Variants in GBF1 observed in about 807,000 individuals in gnomAD.
The protein encoded by GBF1 is golgi brefeldin A resistant guanine nucleotide exchange factor 1.
A neutral mutation model predicts 210.5 loss-of-function variants in GBF1; 114 were observed. That is an observed-to-expected ratio of 0.54 (90% CI 0.47 to 0.63). GBF1 has a LOEUF of 0.63. Ranked by LOEUF, GBF1 falls within the 30% of genes least tolerant of loss-of-function variation. The pLI, the probability that GBF1 is intolerant of heterozygous loss-of-function variation, is 0.00. For missense variants in GBF1, 1,851 were observed against 2,357.7 expected (o/e 0.79, Z 4.45); for synonymous variants, 850 against 889.2 (o/e 0.96, Z 0.78).
chr10:102,357,486 C>T (rs970595008), intron 8 of GBF1, among the ~76,000 whole-genome samples: 13 of 101,170 alleles, frequency 1.3e-4, no homozygotes, highest in Non-Finnish European at 1.7e-4. Context: ...GACTCCATCT[C>T]AAAAAAAAAA....
Position 102,334,710 on chromosome 10 carries a change from G to A in GBF1, c.164-9341G>A, listed in dbSNP as rs368167790. Among the ~76,000 whole-genome samples the A allele has an allele frequency of 1.3e-4, 20 of 152,186 alleles. No individual in the cohort carries two copies. In the South Asian group the frequency reaches 3.1e-3, roughly 24 times the overall value. Reference sequence around the variant, plus strand: ...TGAAAATACAAAAAATTAGCCAGGCGTGGTGGCTTGCGCCTGTAGTCCCAG... The same window carrying A: ...TGAAAATACAAAAAATTAGCCAGGCATGGTGGCTTGCGCCTGTAGTCCCAG... On this transcript the variant is annotated intron_variant, in intron 3 of 39. Transcript: ENST00000369983.
intron 3 of GBF1, among the ~76,000 whole-genome samples, chr10:102,287,344 CTTTTTTTTTT>C (rs763880492): frequency 7.2e-5 from 5 of 69,516 alleles, no homozygotes; most frequent in Admixed American, 5.4e-4. Flanking sequence ...ATTTTATTTT[CTTTTTTTTTT>C]TTTTTTTTTT....
intron 3 of GBF1, among the ~76,000 whole-genome samples, chr10:102,321,180 T>A (rs1412984994): frequency 6.6e-6 from 1 of 152,216 alleles, no homozygotes; most frequent in Non-Finnish European, 1.5e-5. Context: ...TTATAATTAG[T>A]CACAATTATA....
chr10:102,250,935 C>A (rs1009832395), intron 1 of GBF1, among the ~76,000 whole-genome samples: 1 of 151,270 alleles, frequency 6.6e-6, no homozygotes, highest in Non-Finnish European at 1.5e-5. Flanking sequence ...CCAGCCTAGA[C>A]GACAAGAGCG....
chr10:102,288,720 A>AG (rs1261424489), intron 3 of GBF1, among the ~76,000 whole-genome samples: 6 of 123,776 alleles, frequency 4.8e-5, no homozygotes, highest in South Asian at 3.3e-4. Context: ...TCCGTCTCAA[A>AG]GGAAAAAAAA....
chr10:102,294,292 A>G (rs1420449513), intron 3 of GBF1, among the ~76,000 whole-genome samples: 1 of 151,552 alleles, frequency 6.6e-6, no homozygotes, highest in East Asian at 1.9e-4. Flanking sequence ...CTCACTATTC[A>G]CTCACTGACT....
chr10:102,344,229 C>A, intron 4 of GBF1, 47 bp downstream of exon 4: 2 of 1,601,302 alleles, frequency 1.2e-6, no homozygotes, highest in Non-Finnish European at 1.7e-6. Flanking sequence ...TCATTTCCCA[C>A]CTTTCCTGGG....
chr10:102,367,095 G>A lies in GBF1; in HGVS notation c.2444G>A (p.Gly815Asp). The change falls in exon 20 of 40, where the codon GGC becomes GAC. Residue 815 changes from glycine (G) to aspartate (D), a missense_variant. Transcript: ENST00000369983. ...TCTTTGCTTTTTCAGAATTGTAATG[G>A]CTCCCCATTTGCCAATAGCGATGCC... ...AFTERWMNCN[G>D]SPFANSDACF... 1 of 1,614,080 alleles carries A rather than the reference G, an allele frequency of 6.2e-7. No individual in the cohort carries two copies. The highest frequency in any genetic ancestry group is 8.5e-7 in the Non-Finnish European group (1 of 1,179,994).
chr10:102,380,833 C>T, intron 38 of GBF1, 147 bp downstream of exon 38: 1 of 750,164 alleles, frequency 1.3e-6, no homozygotes, highest in Non-Finnish European at 2.2e-6. Context: ...CATAGTGAAA[C>T]CCCATGTCTA....
intron 3 of GBF1, among the ~76,000 whole-genome samples, chr10:102,266,083 C>T (rs551074315): frequency 6.6e-6 from 1 of 151,930 alleles, no homozygotes; most frequent in Non-Finnish European, 1.5e-5. Context: ...TAAAAAAATA[C>T]AAAAAATTAG....
intron 36 of GBF1, 99 bp downstream of exon 36, chr10:102,380,053 G>T (rs1157303647): frequency 3.6e-6 from 3 of 836,810 alleles, no homozygotes; most frequent in Non-Finnish European, 6.0e-6. Context: ...TGCACTGTAG[G>T]TGCTCACAAC....
chr10:102,262,482 G>A (rs1249477868), intron 3 of GBF1, among the ~76,000 whole-genome samples: 1 of 152,174 alleles, frequency 6.6e-6, no homozygotes, highest in African/African-American at 2.4e-5. Context: ...GATCAAACAA[G>A]TTAATATAAT....
At chr10:102,343,946 C>T in intron 3 of GBF1, 105 bp from the exon 4 acceptor site, 1 of 797,176 alleles carries the variant, frequency 1.3e-6, no homozygotes, top group Non-Finnish European at 2.1e-6. Context: ...AGAAGATTGA[C>T]CCAACAACAA....
chr10:102,336,263 T>C (rs1359935432), intron 3 of GBF1, among the ~76,000 whole-genome samples: 1 of 139,760 alleles, frequency 7.2e-6, no homozygotes, highest in East Asian at 2.1e-4. Context: ...ATCACTCCAC[T>C]GCACTCTAGC....
At chr10:102,294,860 C>A (rs113997967) in intron 3 of GBF1, among the ~76,000 whole-genome samples, 1 of 152,060 alleles carries the variant, frequency 6.6e-6, no homozygotes, top group Non-Finnish European at 1.5e-5. Flanking sequence ...GGCTATACCA[C>A]GTAGGTTTGT....
the GBF1 span, among the ~76,000 whole-genome samples, chr10:102,238,349 C>T: frequency 2.6e-5 from 4 of 152,210 alleles, no homozygotes; most frequent in Non-Finnish European, 5.9e-5. Context: ...CTGCGTTTGC[C>T]CTCCCGTCCT....
Position 102,247,526 on chromosome 10 carries a change from C to T in GBF1, c.-11+1745C>T, listed in dbSNP as rs184485714. On this transcript the variant is annotated intron_variant, in intron 1 of 39. Coordinates refer to ENST00000369983, the MANE Select transcript of GBF1 (RefSeq NM_001377137.1). ...GCCATTGCCCTGTTGAGTTGATATG[C>T]TTTGCATAACAGGCAATCTAGTCTC... Among the ~76,000 whole-genome samples the T allele has an allele frequency of 3.9e-4, 60 of 152,296 alleles. 1 individual carries two copies. The East Asian group carries it at 0.011, about 29-fold the overall frequency.
chr10:102,344,572 C>G (rs1270541814), intron 4 of GBF1, among the ~76,000 whole-genome samples: 1 of 151,202 alleles, frequency 6.6e-6, no homozygotes, highest in Non-Finnish European at 1.5e-5. Flanking sequence ...GCTCCACCTC[C>G]CGGGTTCATG....
rs191596548 is a variant in GBF1 at position 102,359,849 on chromosome 10, G to A, written c.1181-335G>A. On this transcript the variant is annotated intron_variant, in intron 11 of 39. Transcript: ENST00000369983. Reference sequence around the variant, plus strand: ...CACAATCACAGCTCACTATATCCTCGACTTCCTGGGTTCAAGCAATCCTCC... The same window carrying A: ...CACAATCACAGCTCACTATATCCTCAACTTCCTGGGTTCAAGCAATCCTCC... Among the ~76,000 whole-genome samples, 548 of 145,558 alleles carry A rather than the reference G, an allele frequency of 3.8e-3. 4 individuals carry two copies. The highest frequency in any genetic ancestry group is 7.0e-3 in the Non-Finnish European group (471 of 67,206).
Sources: allele counts gnomAD v4.1 joint callset (sites outside exome capture counted in the v4.1 genomes callset), GRCh38; gene constraint gnomAD v4.1.1; transcripts MANE v1.5; gene names NCBI Gene and HGNC (gene_info 2026-07-23, HGNC 2026-07-21).